SLCO1B1: variants seen among roughly 807,000 people sequenced by gnomAD.
SLCO1B1 encodes solute carrier organic anion transporter family member 1B1, also known as OATP-2.
In SLCO1B1, 81 loss-of-function variants were observed where a neutral mutation model predicts 70.1. The observed-to-expected ratio is 1.16, with a 90% confidence interval of 0.97 to 1.39. The LOEUF (loss-of-function observed/expected upper bound fraction) is 1.39. Among genes scored for constraint, SLCO1B1 ranks in the 40% most tolerant of loss-of-function variants. The pLI is 0.00. For synonymous variants in SLCO1B1, 283 were observed against 271.5 expected (o/e 1.04, Z -0.42); for missense variants, 895 against 799.6 (o/e 1.12, Z -1.44).
chr12:21,216,325 A>G (rs1417818289), intron 11 of SLCO1B1, among the ~76,000 whole-genome samples: 1 of 152,168 alleles, frequency 6.6e-6, no homozygotes, highest in Non-Finnish European at 1.5e-5. Flanking sequence ...GTAGATGTAT[A>G]GATTTAAATT....
chr12:21,144,564 T>A (rs911108884), intron 2 of SLCO1B1, among the ~76,000 whole-genome samples: 2 of 151,880 alleles, frequency 1.3e-5, no homozygotes, highest in African/African-American at 4.8e-5. Flanking sequence ...ATTCAAAGAA[T>A]CCCTTCAAGA....
At chr12:21,232,174 C>T (rs888321969) in intron 14 of SLCO1B1, among the ~76,000 whole-genome samples, 2 of 152,130 alleles carry the variant, frequency 1.3e-5, no homozygotes, top group African/African-American at 4.8e-5. Flanking sequence ...ATTCCCTGGG[C>T]CAAGAATTGA....
At chr12:21,156,342 A>G (rs1165632419) in intron 2 of SLCO1B1, among the ~76,000 whole-genome samples, 1 of 151,794 alleles carries the variant, frequency 6.6e-6, no homozygotes, top group Non-Finnish European at 1.5e-5. Context: ...TCATCTTTTA[A>G]GTAAAAGAAC....
chr12:21,200,500 T>C lies in SLCO1B1; in HGVS notation c.971-8T>C. On this transcript the variant is annotated splice_polypyrimidine_tract_variant and splice_region_variant and intron_variant, in intron 8 of 14. Transcript: ENST00000256958. ...TCAAATATTTTCTTTATTTTTACAATTTTACAGGTTTTTTCCAGTCTTTTA... is the reference window on the plus strand; with the variant it reads ...TCAAATATTTTCTTTATTTTTACAACTTTACAGGTTTTTTCCAGTCTTTTA... 1 of 1,546,862 alleles carries C rather than the reference T, an allele frequency of 6.5e-7. No homozygotes were observed. Among genetic ancestry groups the C allele is most frequent in the African/African-American group, 1.4e-5 (1 of 72,524 alleles).
chr12:21,237,358 A>G (rs1423696729), intron 14 of SLCO1B1, among the ~76,000 whole-genome samples: 1 of 152,150 alleles, frequency 6.6e-6, no homozygotes, highest in Non-Finnish European at 1.5e-5. Flanking sequence ...AGAATTTCAC[A>G]GAGTACAGAA....
intron 1 of SLCO1B1, among the ~76,000 whole-genome samples, chr12:21,139,090 C>T (rs898266046): frequency 6.6e-6 from 1 of 152,008 alleles, no homozygotes; most frequent in Non-Finnish European, 1.5e-5. Context: ...GCCTTCAAGA[C>T]ATCAAGAATA....
At chr12:21,150,234 G>A (rs1032701211) in intron 2 of SLCO1B1, among the ~76,000 whole-genome samples, 1 of 152,114 alleles carries the variant, frequency 6.6e-6, no homozygotes, top group African/African-American at 2.4e-5. Context: ...CTGGGACAGA[G>A]CACCTGGGAG....
intron 1 of SLCO1B1, among the ~76,000 whole-genome samples, chr12:21,140,649 T>C (rs1343967738): frequency 6.6e-6 from 1 of 151,984 alleles, no homozygotes; most frequent in African/African-American, 2.4e-5. Flanking sequence ...GACAACTTAA[T>C]ACCCTGCTAC....
At chr12:21,213,920 T>A (rs1414957619) in intron 11 of SLCO1B1, among the ~76,000 whole-genome samples, 1 of 149,590 alleles carries the variant, frequency 6.7e-6, no homozygotes, top group Non-Finnish European at 1.5e-5. Flanking sequence ...CTCCATCAGC[T>A]CCTTTAAGCA....
In SLCO1B1 at chr12:21,235,922, T is replaced by C. The variant is rs183448703; in HGVS notation, c.1866-3057T>C. 3.2e-3 allele frequency among the ~76,000 whole-genome samples: 494 copies of C among 152,288 alleles called. 1 individual carries two copies. Among genetic ancestry groups the C allele is most frequent in the African/African-American group, 0.011 (453 of 41,556 alleles). Reference sequence around the variant, plus strand: ...TATCTGCTGGGAAGTTCACCTTTAGTCTAATGGTATTTCCTTCATAAATAA... The same window carrying C: ...TATCTGCTGGGAAGTTCACCTTTAGCCTAATGGTATTTCCTTCATAAATAA... On this transcript the variant is annotated intron_variant, in intron 14 of 14. Coordinates refer to ENST00000256958, the MANE Select transcript of SLCO1B1 (RefSeq NM_006446.5).
chr12:21,137,726 T>A (rs1161481108), intron 1 of SLCO1B1, among the ~76,000 whole-genome samples: 1 of 152,194 alleles, frequency 6.6e-6, no homozygotes, highest in Non-Finnish European at 1.5e-5. Context: ...ATTTTCCAGG[T>A]GCCGTCTGTC....
intron 4 of SLCO1B1, among the ~76,000 whole-genome samples, chr12:21,175,885 A>G (rs1940813403): frequency 6.6e-6 from 1 of 152,134 alleles, no homozygotes; most frequent in Non-Finnish European, 1.5e-5. Flanking sequence ...CCCTAAAATT[A>G]AGGACCACAA....
chr12:21,185,442 C>A (rs1295130236), intron 7 of SLCO1B1, among the ~76,000 whole-genome samples: 2 of 151,982 alleles, frequency 1.3e-5, no homozygotes, highest in African/African-American at 2.4e-5. Context: ...GAAATCAATA[C>A]CAAAAAGATT....
At chr12:21,223,184 A>G (rs1941447046) in intron 13 of SLCO1B1, among the ~76,000 whole-genome samples, 1 of 152,142 alleles carries the variant, frequency 6.6e-6, no homozygotes, top group South Asian at 2.1e-4. Context: ...AGCAATAGAA[A>G]ATAGGAAAAA....
In SLCO1B1 at chr12:21,239,027, T is replaced by G; in HGVS notation, c.1914T>G (p.Val638=). The change falls in exon 15 of 15, where the codon GTT becomes GTG. Residue 638 remains valine (V), a synonymous_variant. Coordinates refer to ENST00000256958, the MANE Select transcript of SLCO1B1 (RefSeq NM_006446.5). Reference sequence around the variant, plus strand: ...CAATGTTAAGAGTCTCATCACTTGTTTTATATATTATATTAATTTATGCCA... The same window carrying G: ...CAATGTTAAGAGTCTCATCACTTGTGTTATATATTATATTAATTTATGCCA... The part of the protein sequence containing the change: ...LSSMLRVSSL[V]LYIILIYAMK... The G allele has an allele frequency of 6.3e-7, 1 of 1,589,986 alleles. No homozygotes were observed. The highest frequency in any genetic ancestry group is 8.6e-7 in the Non-Finnish European group (1 of 1,160,468).
intron 13 of SLCO1B1, 25 bp from the exon 14 acceptor site, chr12:21,224,697 G>A (rs750622348): frequency 2.3e-6 from 3 of 1,293,732 alleles, no homozygotes; most frequent in East Asian, 2.3e-5. Context: ...TCCCTAAACT[G>A]ACATCTTCTC....
chr12:21,151,146 A>T (rs1940465973), intron 2 of SLCO1B1, among the ~76,000 whole-genome samples: 1 of 152,218 alleles, frequency 6.6e-6, no homozygotes, highest in Admixed American at 6.5e-5. Flanking sequence ...TTTACTAAAT[A>T]CTAATTACAA....
Position 21,133,509 on chromosome 12 carries a change from G to C in SLCO1B1, c.-62+2273G>C, listed in dbSNP as rs1035815069. 2.0e-5 allele frequency among the ~76,000 whole-genome samples: 3 copies of C among 151,992 alleles called. 1 individual carries two copies. The highest frequency in any genetic ancestry group is 4.2e-4 in the South Asian group (2 of 4,804). On this transcript the variant is annotated intron_variant, in intron 1 of 14. Coordinates refer to ENST00000256958, the MANE Select transcript of SLCO1B1 (RefSeq NM_006446.5). ...TGTTCGTATCCTCTTTTATTTCATTGAGCAGTGGTTTGTAGTTCTCCTTGA... is the reference window on the plus strand; with the variant it reads ...TGTTCGTATCCTCTTTTATTTCATTCAGCAGTGGTTTGTAGTTCTCCTTGA...
chr12:21,155,607 T>C (rs1940532656), intron 2 of SLCO1B1, among the ~76,000 whole-genome samples: 2 of 152,182 alleles, frequency 1.3e-5, no homozygotes, highest in African/African-American at 4.8e-5. Flanking sequence ...TAGTTTCTTT[T>C]TTATAGTAAT....
Sources: allele counts gnomAD v4.1 joint callset (sites outside exome capture counted in the v4.1 genomes callset), GRCh38; gene constraint gnomAD v4.1.1; transcripts MANE v1.5; gene names NCBI Gene and HGNC (gene_info 2026-07-23, HGNC 2026-07-21).